Variants in CADPS2 observed in about 807,000 individuals in gnomAD.
CADPS2 encodes calcium dependent secretion activator 2.
A neutral mutation model predicts 172.5 loss-of-function variants in CADPS2; 93 were observed. The observed-to-expected ratio is 0.54, with a 90% CI of 0.46 to 0.64. The LOEUF is 0.64. Ranked by LOEUF, CADPS2 falls within the 30% of genes least tolerant of loss-of-function variation. CADPS2 has a pLI of 0.00. For missense variants in CADPS2, 1,420 were observed against 1,565.9 expected (o/e 0.91, Z 1.57); for synonymous variants, 546 against 555.2 (o/e 0.98, Z 0.23).
At chr7:122,450,521 CTTTTTTTTT>C (rs11422329) in intron 15 of CADPS2, among the ~76,000 whole-genome samples, 2 of 79,130 alleles carry the variant, frequency 2.5e-5, no homozygotes, top group Non-Finnish European at 4.9e-5. Context: ...TATTGGTGGC[CTTTTTTTTT>C]TTTTTTTTTT....
chr7:122,320,385 G>C (rs771746116), intron 29 of CADPS2, 47 bp from the exon 30 acceptor site: 1 of 1,439,512 alleles, frequency 6.9e-7, no homozygotes, highest in South Asian at 1.4e-5. Flanking sequence ...GATTATATGC[G>C]TGTACATAGA....
At chr7:122,823,275 TA>T (rs1213169153) in intron 1 of CADPS2, among the ~76,000 whole-genome samples, 2 of 152,204 alleles carry the variant, frequency 1.3e-5, no homozygotes, top group African/African-American at 4.8e-5. Flanking sequence ...CATTCTATTT[TA>T]GGGGGAAAAA....
At chr7:122,620,772 T>C (rs905031241) in intron 5 of CADPS2, among the ~76,000 whole-genome samples, 9 of 152,140 alleles carry the variant, frequency 5.9e-5, no homozygotes, top group African/African-American at 2.2e-4. Context: ...AATGATCCTA[T>C]GGGTAAAGTA....
intron 1 of CADPS2, among the ~76,000 whole-genome samples, chr7:122,781,612 T>C (rs1192079275): frequency 6.6e-6 from 1 of 152,200 alleles, no homozygotes; most frequent in Non-Finnish European, 1.5e-5. Flanking sequence ...TCATAAATAA[T>C]GTATCCTTTC....
At chr7:122,594,321 T>C (rs973040517) in intron 6 of CADPS2, among the ~76,000 whole-genome samples, 1 of 151,768 alleles carries the variant, frequency 6.6e-6, no homozygotes, top group African/African-American at 2.4e-5. Flanking sequence ...GATGACATCT[T>C]GCACTTTAAG....
At chr7:122,815,870 TA>T (rs781099980) in intron 1 of CADPS2, among the ~76,000 whole-genome samples, 5 of 151,702 alleles carry the variant, frequency 3.3e-5, no homozygotes, top group Non-Finnish European at 7.4e-5. Context: ...AAGGTTAATT[TA>T]AAAAAAAATT....
chr7:122,886,365 C>T lies in CADPS2; in HGVS notation c.-28G>A. ...TGCTCGGGGATCCCCGCCGCTCGGC[C>T]CGCGGTCCCCAAGCGCCTCACCCCC... On this transcript the variant is annotated 5_prime_UTR_variant, in exon 1 of 30. Coordinates refer to ENST00000449022, the MANE Select transcript of CADPS2 (RefSeq NM_017954.11). 3 of 1,488,208 alleles carry T rather than the reference C, an allele frequency of 2.0e-6. No homozygotes were observed. Among genetic ancestry groups the T allele is most frequent in the Middle Eastern group, 2.3e-4 (1 of 4,390 alleles). The allele number at this position is 1,488,208 out of a possible 1,614,324, so 92.2% of individuals were successfully genotyped here.
intron 2 of CADPS2, among the ~76,000 whole-genome samples, chr7:122,723,729 A>ATG (rs1562855910): frequency 3.3e-5 from 5 of 150,908 alleles, no homozygotes; most frequent in Non-Finnish European, 7.4e-5. Context: ...ACATGCACAC[A>ATG]TATGTTTATT....
chr7:122,367,610 T>C (rs2041123165), intron 25 of CADPS2, among the ~76,000 whole-genome samples: 1 of 147,270 alleles, frequency 6.8e-6, no homozygotes, highest in Admixed American at 6.9e-5. Context: ...AACGGCGTGA[T>C]CTCAGTTCAC....
At chr7:122,868,548 A>G (rs1818882090) in intron 1 of CADPS2, among the ~76,000 whole-genome samples, 1 of 152,206 alleles carries the variant, frequency 6.6e-6, no homozygotes, top group African/African-American at 2.4e-5. Flanking sequence ...GGACAAACAC[A>G]AAGAGCTTAG....
chr7:122,773,370 C>T (rs544801040), intron 1 of CADPS2, among the ~76,000 whole-genome samples: 8 of 151,856 alleles, frequency 5.3e-5, no homozygotes, highest in East Asian at 3.9e-4. Context: ...TAATAATATC[C>T]GTGTTCATTT....
intron 1 of CADPS2, among the ~76,000 whole-genome samples, chr7:122,761,855 G>A (rs150955406): frequency 0.018 from 2,655 of 149,724 alleles, 75 homozygotes; most frequent in African/African-American, 0.062. Context: ...AAAATTAGCC[G>A]GGTGTGGTGG....
At chr7:122,354,758 T>C (rs2039151309) in intron 27 of CADPS2, among the ~76,000 whole-genome samples, 1 of 152,186 alleles carries the variant, frequency 6.6e-6, no homozygotes, top group Admixed American at 6.5e-5. Context: ...GGTCTTGCTT[T>C]TTCTTTCTCA....
chr7:122,860,383 C>T (rs2141274609), intron 1 of CADPS2, among the ~76,000 whole-genome samples: 1 of 152,250 alleles, frequency 6.6e-6, no homozygotes, highest in South Asian at 2.1e-4. Flanking sequence ...TGTGCCACCA[C>T]ACCTGGCTAA....
intron 19 of CADPS2, among the ~76,000 whole-genome samples, chr7:122,412,430 T>C (rs1012477625): frequency 6.6e-6 from 1 of 152,196 alleles, no homozygotes; most frequent in Non-Finnish European, 1.5e-5. Context: ...CTCTTTACAT[T>C]AGAATCCAAC....
intron 8 of CADPS2, 125 bp from the exon 9 acceptor site, chr7:122,513,440 T>C: frequency 1.4e-6 from 1 of 705,540 alleles, no homozygotes; most frequent in South Asian, 2.0e-5. Context: ...TTTAGCTCAT[T>C]TGGAAAGTGA....
At chr7:122,815,105 A>G (rs1360293766) in intron 1 of CADPS2, among the ~76,000 whole-genome samples, 1 of 152,178 alleles carries the variant, frequency 6.6e-6, no homozygotes, top group African/African-American at 2.4e-5. Flanking sequence ...AAAGAGGTTT[A>G]ACAAAACAGA....
At chr7:122,629,655 A>G (rs912883194) in intron 3 of CADPS2, among the ~76,000 whole-genome samples, 1 of 152,116 alleles carries the variant, frequency 6.6e-6, no homozygotes, top group Non-Finnish European at 1.5e-5. Flanking sequence ...CTCACCATGT[A>G]TTTCTGGAGG....
At position 122,521,742 on chromosome 7, in the gene CADPS2, G is replaced by A. The variant is rs1055522208; in HGVS notation, c.1476-8427C>T. On this transcript the variant is annotated intron_variant, in intron 8 of 29. Transcript: ENST00000449022. ...TGTTGAGCAAGAACTTAAAATTTAT[G>A]TGCTATATAAACAGGAGATTCCTAA... Among the ~76,000 whole-genome samples the A allele has an allele frequency of 1.3e-5, 2 of 152,160 alleles. 1 individual carries two copies. Among genetic ancestry groups the A allele is most frequent in the South Asian group, 4.1e-4 (2 of 4,820 alleles).
Sources: allele counts gnomAD v4.1 joint callset (sites outside exome capture counted in the v4.1 genomes callset), GRCh38; gene constraint gnomAD v4.1.1; transcripts MANE v1.5; gene names NCBI Gene and HGNC (gene_info 2026-07-23, HGNC 2026-07-21).